Variants in MAN1A1 observed in about 807,000 individuals in gnomAD.
The protein encoded by MAN1A1 is mannosidase alpha class 1A member 1.
In MAN1A1, 29 loss-of-function variants were observed where a neutral mutation model predicts 70.8. The ratio of observed to expected loss-of-function variants is 0.41; its 90% confidence interval spans 0.31 to 0.56. The LOEUF (loss-of-function observed/expected upper bound fraction) is 0.56, where lower values mean the gene tolerates loss of function less well. MAN1A1 is among the 20% of genes least tolerant of loss of function. The pLI is 0.29. For synonymous variants in MAN1A1, 349 were observed against 330.1 expected (o/e 1.06, Z -0.62); for missense variants, 747 against 841.3 (o/e 0.89, Z 1.39).
chr6:119,205,373 A>T (rs1189781124), intron 6 of MAN1A1, among the ~76,000 whole-genome samples: 1 of 152,080 alleles, frequency 6.6e-6, no homozygotes, highest in Non-Finnish European at 1.5e-5. Context: ...TCCCTCTCCA[A>T]ATCTTCCTGC....
intron 2 of MAN1A1, among the ~76,000 whole-genome samples, chr6:119,308,194 C>A (rs58263645): frequency 6.6e-6 from 1 of 152,050 alleles, no homozygotes; most frequent in East Asian, 1.9e-4. Context: ...ACTCAGTCAC[C>A]ACATTTTTCC....
At chr6:119,337,541 T>C (rs2114503005) in intron 2 of MAN1A1, among the ~76,000 whole-genome samples, 1 of 152,338 alleles carries the variant, frequency 6.6e-6, no homozygotes, top group East Asian at 1.9e-4. Flanking sequence ...AATATGATAG[T>C]TCTGGAAGGG....
chr6:119,244,740 T>C (rs1056701962), intron 6 of MAN1A1, among the ~76,000 whole-genome samples: 1 of 152,156 alleles, frequency 6.6e-6, no homozygotes, highest in Admixed American at 6.6e-5. Flanking sequence ...TGAGTACTTA[T>C]TATCTCTCCT....
At chr6:119,248,194 T>C (rs1775219519) in intron 6 of MAN1A1, 66 bp downstream of exon 6, 1 of 1,063,520 alleles carries the variant, frequency 9.4e-7, no homozygotes, top group African/African-American at 1.6e-5. Flanking sequence ...ATCTAATGTA[T>C]ACTTATTAGG....
intron 6 of MAN1A1, among the ~76,000 whole-genome samples, chr6:119,234,476 C>A (rs773899560): frequency 1.3e-5 from 2 of 151,958 alleles, no homozygotes; most frequent in Non-Finnish European, 2.9e-5. Flanking sequence ...TGCAGTCTTA[C>A]AATCATGGCT....
Position 119,178,148 on chromosome 6 carries a change from A to G in MAN1A1, c.*1671T>C, listed in dbSNP as rs1286876005. On this transcript the variant is annotated 3_prime_UTR_variant, in exon 13 of 13. Coordinates refer to ENST00000368468, the MANE Select transcript of MAN1A1 (RefSeq NM_005907.4). Reference sequence around the variant, plus strand: ...TCTTTGACATACACCAATGTATGATATTGAAAAACAGAAAGCAGGTCATAA... The same window carrying G: ...TCTTTGACATACACCAATGTATGATGTTGAAAAACAGAAAGCAGGTCATAA... 1 of 152,130 alleles carries G rather than the reference A, an allele frequency of 6.6e-6. No individual in the cohort carries two copies. Among genetic ancestry groups the G allele is most frequent in the African/African-American group, 2.4e-5 (1 of 41,464 alleles). 9.4% of individuals were successfully genotyped at this position (152,130 alleles called of 1,614,324 possible). A position where few individuals can be genotyped will look rare whatever the true frequency, so the allele number is the denominator to read the frequency against.
chr6:119,339,048 A>G (rs1307730475), intron 2 of MAN1A1, among the ~76,000 whole-genome samples: 1 of 152,186 alleles, frequency 6.6e-6, no homozygotes, highest in African/African-American at 2.4e-5. Context: ...CTATCTATAC[A>G]ACTCACAAGG....
intron 5 of MAN1A1, among the ~76,000 whole-genome samples, chr6:119,249,624 T>TAAAGCAATCG: frequency 1.3e-5 from 2 of 152,180 alleles, no homozygotes; most frequent in Non-Finnish European, 2.9e-5. Flanking sequence ...AAGCATTCAC[T>TAAAGCAATCG]AAAGCAATCG....
chr6:119,303,710 T>A (rs1772454771), intron 3 of MAN1A1, among the ~76,000 whole-genome samples: 1 of 152,122 alleles, frequency 6.6e-6, no homozygotes, highest in Admixed American at 6.6e-5. Flanking sequence ...AGGCAGTTAG[T>A]CAGCAACCCA....
At position 119,221,472 on chromosome 6, in the gene MAN1A1, CT is replaced by C. The variant is rs5879491; in HGVS notation, c.993-16591del. On this transcript the variant is annotated intron_variant, in intron 6 of 12. Transcript: ENST00000368468. The stretch of plus-strand genomic sequence containing the variant: ...AATATTCAGAGACCCATTTTCTTTT[CT>C]TTTTTTTTTTTTTTTCGAGACAGAG... Among the ~76,000 whole-genome samples the C allele has an allele frequency of 8.9e-3, 1,155 of 130,348 alleles. 6 individuals carry two copies. The highest frequency in any genetic ancestry group is 0.027 in the African/African-American group (954 of 35,074). The allele number at this position is 130,348 out of a possible 152,430, so 85.5% of individuals were successfully genotyped here.
At chr6:119,327,683 A>C (rs1773193160) in intron 2 of MAN1A1, among the ~76,000 whole-genome samples, 1 of 152,214 alleles carries the variant, frequency 6.6e-6, no homozygotes, top group Non-Finnish European at 1.5e-5. Flanking sequence ...AAAACTGCTA[A>C]GAAAGTAAAT....
chr6:119,218,144 G>A (rs908943398), intron 6 of MAN1A1, among the ~76,000 whole-genome samples: 9 of 151,998 alleles, frequency 5.9e-5, no homozygotes, highest in South Asian at 2.1e-4. Context: ...CCTTTTATCC[G>A]TCCTATGTTT....
intron 5 of MAN1A1, among the ~76,000 whole-genome samples, chr6:119,251,075 T>C (rs1057067088): frequency 1.3e-5 from 2 of 152,180 alleles, no homozygotes; most frequent in Non-Finnish European, 2.9e-5. Flanking sequence ...GATAGGAGCA[T>C]AGGCCATGTT....
chr6:119,302,941 ATGGAGAC>A (rs1489013007), intron 3 of MAN1A1, among the ~76,000 whole-genome samples: 1 of 152,168 alleles, frequency 6.6e-6, no homozygotes, highest in Non-Finnish European at 1.5e-5. Context: ...TTCCAATGAC[ATGGAGAC>A]TTCCTGTTGC....
At chr6:119,179,972 G>T in intron 12 of MAN1A1, 27 bp from the exon 13 acceptor site, 1 of 1,610,050 alleles carries the variant, frequency 6.2e-7, no homozygotes, top group Non-Finnish European at 8.5e-7. Flanking sequence ...AAGTATATGA[G>T]GCCCAAGACA....
At chr6:119,314,911 G>A (rs890340725) in intron 2 of MAN1A1, among the ~76,000 whole-genome samples, 1 of 152,138 alleles carries the variant, frequency 6.6e-6, no homozygotes, top group African/African-American at 2.4e-5. Context: ...GGGCAGACAA[G>A]ATGGTGTTGT....
intron 2 of MAN1A1, among the ~76,000 whole-genome samples, chr6:119,321,082 G>A (rs1277880858): frequency 6.6e-6 from 1 of 152,080 alleles, no homozygotes. Context: ...TTTCTCAAAT[G>A]TAAAATTTTG....
chr6:119,196,215 T>C (rs548016288), intron 8 of MAN1A1, among the ~76,000 whole-genome samples: 1 of 152,084 alleles, frequency 6.6e-6, no homozygotes, highest in East Asian at 1.9e-4. Flanking sequence ...CAGCTGGGGA[T>C]TTTTTTTAAA....
In MAN1A1 at chr6:119,275,164, G is replaced by A. The variant is rs1776021099; in HGVS notation, c.897+15519C>T. On this transcript the variant is annotated intron_variant, in intron 5 of 12. Transcript: ENST00000368468. ...CTCACCCTGTTGCCCAGGCTGGAGT[G>A]CAGTGGCATGATCCTGGCTCACTGC... Among the ~76,000 whole-genome samples, 3 of 151,412 alleles carry A rather than the reference G, an allele frequency of 2.0e-5. No homozygotes were observed. The South Asian group carries it at 6.3e-4, about 32-fold the overall frequency.
Sources: gnomAD v4.1 joint callset for allele counts (sites outside exome capture counted in the v4.1 genomes callset) on GRCh38, gnomAD v4.1.1 for gene constraint, MANE v1.5 for transcripts, NCBI Gene and HGNC (gene_info 2026-07-23, HGNC 2026-07-21) for gene names.